Variants in KLF8 observed in about 807,000 individuals in gnomAD.
KLF8 encodes Krueppel-like factor 8.
In KLF8, 10 loss-of-function variants were observed where a neutral mutation model predicts 18.2. The ratio of observed to expected loss-of-function variants is 0.55; its 90% CI spans 0.34 to 0.93. KLF8 has a LOEUF of 0.93. Among genes scored for constraint, KLF8 ranks in the 40% least tolerant of loss-of-function variants. KLF8 has a pLI of 0.02. For missense variants in KLF8, 264 were observed against 277.9 expected (o/e 0.95, Z 0.36); for synonymous variants, 109 against 97.3 (o/e 1.12, Z -0.71).
At chrX:55,941,991 A>G in the KLF8 span, among the ~76,000 whole-genome samples, 1 of 111,484 alleles carries the variant, frequency 9.0e-6, no homozygotes, top group African/African-American at 3.3e-5. Flanking sequence ...TAGAAATACC[A>G]TTTGACCCAG....
intron 1 of KLF8, among the ~76,000 whole-genome samples, chrX:56,247,592 T>A (rs768239937): frequency 9.0e-6 from 1 of 111,710 alleles, no homozygotes; most frequent in African/African-American, 3.2e-5. Context: ...TTTTCTATTG[T>A]TAATTATTTT....
the KLF8 span, among the ~76,000 whole-genome samples, chrX:56,008,023 A>G: frequency 3.8e-3 from 422 of 110,374 alleles, 1 homozygote; most frequent in African/African-American, 0.013. Flanking sequence ...AGTAGTTACT[A>G]TAATCTAAAA....
At chrX:56,212,289 G>T in the KLF8 span, among the ~76,000 whole-genome samples, 2 of 111,846 alleles carry the variant, frequency 1.8e-5, no homozygotes, top group African/African-American at 6.5e-5. Flanking sequence ...GTTTCAGGTA[G>T]GGTGATGCTT....
the KLF8 span, among the ~76,000 whole-genome samples, chrX:56,034,376 T>A: frequency 8.9e-6 from 1 of 112,337 alleles, no homozygotes; most frequent in East Asian, 2.8e-4. Context: ...TGTGTATGTG[T>A]CTATTGTTAT....
chrX:56,066,068 C>T, the KLF8 span, among the ~76,000 whole-genome samples: 2 of 111,277 alleles, frequency 1.8e-5, no homozygotes, highest in Admixed American at 9.6e-5. Flanking sequence ...GTCTTTGGGG[C>T]CTTGGGTAAA....
the KLF8 span, among the ~76,000 whole-genome samples, chrX:56,139,740 C>T: frequency 3.6e-5 from 4 of 111,464 alleles, no homozygotes; most frequent in Non-Finnish European, 7.5e-5. Flanking sequence ...GACAAAGATT[C>T]CAAAAACAAT....
At chrX:55,915,002 C>A in the KLF8 span, among the ~76,000 whole-genome samples, 1 of 110,560 alleles carries the variant, frequency 9.0e-6, no homozygotes, top group African/African-American at 3.3e-5. Context: ...TCAATGAAGA[C>A]CAGAAAAATT....
the KLF8 span, among the ~76,000 whole-genome samples, chrX:56,139,017 A>G: frequency 9.0e-6 from 1 of 111,050 alleles, no homozygotes; most frequent in Non-Finnish European, 1.9e-5. Flanking sequence ...CACACCAAAA[A>G]CACCCAAGCT....
chrX:55,908,527 C>T, the KLF8 span: 2 of 297,521 alleles, frequency 6.7e-6, no homozygotes, highest in South Asian at 4.0e-4. Context: ...GGTAAGCTAA[C>T]GAGAAAGTAG....
the KLF8 span, among the ~76,000 whole-genome samples, chrX:56,161,175 C>G: frequency 9.0e-6 from 1 of 111,628 alleles, no homozygotes; most frequent in East Asian, 2.8e-4. Flanking sequence ...ATATGAAATT[C>G]TGGGTTGAAA....
At chrX:56,054,220 A>T in the KLF8 span, among the ~76,000 whole-genome samples, 23,209 of 110,427 alleles carry the variant, frequency 0.21, 4,933 homozygotes, top group African/African-American at 0.66. Flanking sequence ...GATATGGGCA[A>T]TTAGTGCTAT....
the KLF8 span, among the ~76,000 whole-genome samples, chrX:55,983,036 A>T: frequency 8.9e-6 from 1 of 111,755 alleles, no homozygotes; most frequent in African/African-American, 3.2e-5. Flanking sequence ...TTGTCATATA[A>T]CTTTTTATTA....
chrX:56,050,245 G>A, the KLF8 span, among the ~76,000 whole-genome samples: 2 of 111,086 alleles, frequency 1.8e-5, no homozygotes, highest in Non-Finnish European at 3.8e-5. Context: ...TTTTTTTAAG[G>A]GTTTTTTGTG....
chrX:55,951,559 G>A, the KLF8 span, among the ~76,000 whole-genome samples: 1 of 109,960 alleles, frequency 9.1e-6, no homozygotes, highest in Non-Finnish European at 1.9e-5. Context: ...CTCCAGGAGA[G>A]AGAAAGAATG....
chrX:56,084,225 T>A, the KLF8 span, among the ~76,000 whole-genome samples: 1 of 110,353 alleles, frequency 9.1e-6, no homozygotes, highest in Non-Finnish European at 1.9e-5. Context: ...CATAAAATTT[T>A]TTAAAAAAAT....
chrX:55,964,795 G>C, the KLF8 span, among the ~76,000 whole-genome samples: 4 of 111,330 alleles, frequency 3.6e-5, no homozygotes, highest in African/African-American at 1.3e-4. Flanking sequence ...ACACAAATTA[G>C]AAAACCTAGA....
the KLF8 span, among the ~76,000 whole-genome samples, chrX:56,050,815 G>T: frequency 4.6e-5 from 5 of 109,872 alleles, no homozygotes; most frequent in East Asian, 1.4e-3. Context: ...TCAATTCCTG[G>T]GTATCCTTGT....
At chrX:56,195,817 G>T in the KLF8 span, among the ~76,000 whole-genome samples, 3 of 111,405 alleles carry the variant, frequency 2.7e-5, no homozygotes, top group Non-Finnish European at 5.7e-5. Context: ...AAAAAGTTTT[G>T]AGGGCAGCCA....
the KLF8 span, among the ~76,000 whole-genome samples, chrX:55,956,542 A>G: frequency 2.7e-5 from 3 of 111,548 alleles, no homozygotes; most frequent in Non-Finnish European, 5.6e-5. Flanking sequence ...AGGGGTTCCA[A>G]TTTCTCTGCA....
Sources: gnomAD v4.1 joint callset for allele counts (sites outside exome capture counted in the v4.1 genomes callset) on GRCh38, gnomAD v4.1.1 for gene constraint, MANE v1.5 for transcripts, NCBI Gene and HGNC (gene_info 2026-07-23, HGNC 2026-07-21) for gene names.